Variants in ZC3H3 observed in about 807,000 individuals in gnomAD.
ZC3H3 encodes the protein zinc finger CCCH domain-containing protein 3.
In ZC3H3, 36 loss-of-function variants were observed where a neutral mutation model predicts 77.3. The ratio of observed to expected loss-of-function variants is 0.47; its 90% CI spans 0.36 to 0.61. The LOEUF (loss-of-function observed/expected upper bound fraction) is 0.61. Ranked by LOEUF, ZC3H3 falls within the 20% of genes least tolerant of loss-of-function variation. The pLI, the probability that ZC3H3 is intolerant of heterozygous loss-of-function variation, is 0.00. For synonymous variants in ZC3H3, 626 were observed against 555.2 expected, an observed-to-expected ratio of 1.13 and a Z score of -1.79; for missense variants, 1,331 against 1,312.2, an observed-to-expected ratio of 1.01 and a Z score of -0.22.
chr8:143,527,883 T>C (rs1324795037), intron 3 of ZC3H3, among the ~76,000 whole-genome samples: 3 of 152,080 alleles, frequency 2.0e-5, no homozygotes, highest in Non-Finnish European at 4.4e-5. Flanking sequence ...CATTCACAGA[T>C]AGGGCACCGA....
At chr8:143,501,973 G>A (rs1285885850) in intron 4 of ZC3H3, among the ~76,000 whole-genome samples, 3 of 152,258 alleles carry the variant, frequency 2.0e-5, no homozygotes, top group African/African-American at 7.2e-5. Flanking sequence ...CAGAGGTGAT[G>A]AGGTGAAATG....
intron 3 of ZC3H3, among the ~76,000 whole-genome samples, chr8:143,526,483 G>A (rs547865465): frequency 2.6e-5 from 4 of 152,318 alleles, no homozygotes; most frequent in South Asian, 2.1e-4. Flanking sequence ...CCCAGCACGC[G>A]ATTGGACTTG....
At chr8:143,450,865 C>T (rs1819970838) in intron 9 of ZC3H3, among the ~76,000 whole-genome samples, 1 of 152,182 alleles carries the variant, frequency 6.6e-6, no homozygotes, top group Non-Finnish European at 1.5e-5. Context: ...CAAAGCACAT[C>T]ACACTGCTAG....
chr8:143,455,510 A>AAATAAT (rs138100981), intron 9 of ZC3H3, among the ~76,000 whole-genome samples: 1 of 151,848 alleles, frequency 6.6e-6, no homozygotes, highest in Non-Finnish European at 1.5e-5. Context: ...CCCCTCCCCA[A>AAATAAT]AATAATAATA....
At chr8:143,443,284 C>CAAAAAAAA (rs34765299) in intron 9 of ZC3H3, among the ~76,000 whole-genome samples, 3 of 61,946 alleles carry the variant, frequency 4.8e-5, no homozygotes, top group Non-Finnish European at 6.3e-5. Context: ...GACCCTGTCT[C>CAAAAAAAA]AAAAAAAAAA....
At chr8:143,500,214 C>G (rs748519947) in intron 4 of ZC3H3, among the ~76,000 whole-genome samples, 11 of 152,372 alleles carry the variant, frequency 7.2e-5, no homozygotes, top group Non-Finnish European at 1.2e-4. Context: ...TGTCTGCTTG[C>G]TTCCTGACCG....
chr8:143,474,680 G>T (rs1820676750), intron 5 of ZC3H3, among the ~76,000 whole-genome samples: 1 of 152,208 alleles, frequency 6.6e-6, no homozygotes, highest in South Asian at 2.1e-4. Flanking sequence ...AGCCAGCATG[G>T]CCCAGCCTCT....
At chr8:143,456,283 T>C (rs964183383) in intron 9 of ZC3H3, among the ~76,000 whole-genome samples, 7 of 152,156 alleles carry the variant, frequency 4.6e-5, no homozygotes, top group Non-Finnish European at 1.0e-4. Context: ...ATAAATCAAA[T>C]GATACACTTA....
rs1385815079 is a variant in ZC3H3, at chr8:143,437,889, C to T, written c.*167G>A. The T allele has an allele frequency of 1.4e-5, 13 of 932,426 alleles. No individual in the cohort carries two copies. The highest frequency in any genetic ancestry group is 5.4e-5 in the East Asian group (2 of 36,980). The allele number at this position is 932,426 out of a possible 1,614,324, so 57.8% of individuals were successfully genotyped here. ...GGAGGAAGACCAGGCCCTGCGCACA[C>T]GCTGGTCATGGAAGGTTGAGGGCCA... On this transcript the variant is annotated 3_prime_UTR_variant, in exon 12 of 12. Coordinates refer to ENST00000262577, the MANE Select transcript of ZC3H3 (RefSeq NM_015117.3).
chr8:143,467,595 G>C (rs1258313097), intron 8 of ZC3H3, among the ~76,000 whole-genome samples: 1 of 152,200 alleles, frequency 6.6e-6, no homozygotes, highest in Non-Finnish European at 1.5e-5. Flanking sequence ...GCATGCTGTG[G>C]TCACACCGTG....
chr8:143,467,333 T>A lies in ZC3H3; in HGVS notation c.2175+876A>T, dbSNP rs543107598. Reference sequence around the variant, plus strand: ...CCCGCCACGTCCACACAAATAACAATAACATTAATTCAGGGCACTGGTGCG... The same window carrying A: ...CCCGCCACGTCCACACAAATAACAAAAACATTAATTCAGGGCACTGGTGCG... On this transcript the variant is annotated intron_variant, in intron 8 of 11. Transcript: ENST00000262577. Among the ~76,000 whole-genome samples the A allele has an allele frequency of 7.2e-5, 11 of 152,252 alleles. No individual in the cohort carries two copies. The East Asian group carries it at 2.1e-3, about 29-fold the overall frequency.
intron 5 of ZC3H3, among the ~76,000 whole-genome samples, chr8:143,469,429 G>GGGGAAGGGCACCTGTCCCTGAAGCCCT (rs1371994717): frequency 4.6e-5 from 7 of 152,236 alleles, no homozygotes; most frequent in African/African-American, 1.7e-4. Flanking sequence ...TGGAGGTCTG[G>GGGGAAGGGCACCTGTCCCTGAAGCCCT]GGGAAGGGCA....
chr8:143,439,049 C>T (rs192924070), intron 11 of ZC3H3, among the ~76,000 whole-genome samples: 1 of 152,250 alleles, frequency 6.6e-6, no homozygotes, highest in Admixed American at 6.5e-5. Context: ...ACACAGGACC[C>T]CTCAGCACCC....
chr8:143,447,058 G>A (rs11776571), intron 9 of ZC3H3, among the ~76,000 whole-genome samples: 53,742 of 152,174 alleles, frequency 0.35, 9,841 homozygotes, highest in South Asian at 0.56. Context: ...CAGGCTCCAC[G>A]GCGCTCTCTT....
At chr8:143,444,195 T>C (rs1353222992) in intron 9 of ZC3H3, among the ~76,000 whole-genome samples, 2 of 152,080 alleles carry the variant, frequency 1.3e-5, no homozygotes. Context: ...AGGATGGTCT[T>C]GTTCTCCTGA....
intron 4 of ZC3H3, chr8:143,484,543 T>C (rs977302022): frequency 1.3e-5 from 2 of 155,588 alleles, no homozygotes; most frequent in Non-Finnish European, 1.4e-5. Context: ...GCTGAAGCTA[T>C]TGGTGTTTTG....
intron 4 of ZC3H3, among the ~76,000 whole-genome samples, chr8:143,497,990 C>T (rs1032064604): frequency 1.3e-5 from 2 of 152,354 alleles, no homozygotes; most frequent in East Asian, 1.9e-4. Flanking sequence ...TAAGTCCCCA[C>T]GGGGCCATAG....
chr8:143,475,554 C>T lies in ZC3H3; in HGVS notation c.1747G>A (p.Ala583Thr). 6.2e-7 allele frequency: 1 copy of T among 1,607,552 alleles called. No individual in the cohort carries two copies. Among genetic ancestry groups the T allele is most frequent in the Non-Finnish European group, 8.5e-7 (1 of 1,177,586 alleles). ...SLVLNRLRPVASGGGKAQPGS... is the reference protein window; with the variant it reads ...SLVLNRLRPVTSGGGKAQPGS... ...GGTTGGGCTTTCCCACCCCCGCTGGCAACTGGACGCAGGCGGTTCAGCACC... is the reference window on the plus strand; with the variant it reads ...GGTTGGGCTTTCCCACCCCCGCTGGTAACTGGACGCAGGCGGTTCAGCACC... The change falls in exon 5 of 12, where the codon GCC becomes ACC. Residue 583 changes from alanine (A) to threonine (T), a missense_variant. Ala to Thr is a moderately conservative substitution (Grantham distance 58, BLOSUM62 0). This residue lies in a region of ZC3H3 where 978 missense variants were observed against 915.5 expected (regional missense o/e 1.07). Transcript: ENST00000262577.
At position 143,457,866 on chromosome 8, in the gene ZC3H3, GA is replaced by G. The variant is rs1820161360; in HGVS notation, c.2307+7850del. On this transcript the variant is annotated intron_variant, in intron 9 of 11. Coordinates refer to ENST00000262577, the MANE Select transcript of ZC3H3 (RefSeq NM_015117.3). ...TGGGTGAGAGTGAGACCCTATCTCA[GA>G]AAAAAGGGAAAATATTCAAATTATT... 3.3e-5 allele frequency among the ~76,000 whole-genome samples: 5 copies of G among 151,780 alleles called. No homozygotes were observed. The South Asian group carries it at 1.0e-3, about 32-fold the overall frequency.
Sources: allele counts gnomAD v4.1 joint callset (sites outside exome capture counted in the v4.1 genomes callset), GRCh38; gene constraint gnomAD v4.1.1; regional missense constraint gnomAD v4.1.1; transcripts MANE v1.5; gene names NCBI Gene and HGNC (gene_info 2026-07-23, HGNC 2026-07-21).